The following LHFPL6 variants were observed in gnomAD, a reference collection of about 807,000 sequenced individuals.
The protein encoded by LHFPL6 is LHFPL tetraspan subfamily member 6 protein.
A neutral mutation model predicts 20.6 loss-of-function variants in LHFPL6; 9 were observed. The observed-to-expected ratio is 0.44, with a 90% CI of 0.26 to 0.76. The LOEUF is 0.76. Among genes scored for constraint, LHFPL6 ranks in the 30% least tolerant of loss-of-function variants. The probability of loss-of-function intolerance (pLI) is 0.20; values close to 1 mark genes in which losing one functional copy is unlikely to be tolerated. For synonymous variants in LHFPL6, 105 were observed against 98.7 expected, an observed-to-expected ratio of 1.06 and a Z score of -0.38; for missense variants, 218 against 253.5, an observed-to-expected ratio of 0.86 and a Z score of 0.95.
intron 2 of LHFPL6, among the ~76,000 whole-genome samples, chr13:39,464,796 G>A (rs1872764006): frequency 6.6e-6 from 1 of 150,810 alleles, no homozygotes; most frequent in Non-Finnish European, 1.5e-5. Flanking sequence ...CCAGAGAACT[G>A]GGAATTGTGT....
chr13:39,488,879 A>AG lies in LHFPL6; in HGVS notation c.386-110354_386-110353insC, dbSNP rs1868815413. On this transcript the variant is annotated intron_variant, in intron 2 of 3. Coordinates refer to ENST00000379589, the MANE Select transcript of LHFPL6 (RefSeq NM_005780.3). ...CATCAATAACCACCTCTTGGATTCA[A>AG]CCATGGGACTTTGCAGATACAGCTT... Among the ~76,000 whole-genome samples the AG allele has an allele frequency of 2.1e-5, 3 of 139,586 alleles. No homozygotes were observed. The East Asian group carries it at 1.3e-3, about 59-fold the overall frequency. 91.6% of individuals were successfully genotyped at this position (139,586 alleles called of 152,430 possible).
At chr13:39,359,651 G>A (rs555904911) in intron 3 of LHFPL6, among the ~76,000 whole-genome samples, 1 of 152,198 alleles carries the variant, frequency 6.6e-6, no homozygotes, top group Admixed American at 6.5e-5. Flanking sequence ...TAGGACAAAG[G>A]TTGAAAATCT....
At chr13:39,366,475 C>T (rs74890777) in intron 3 of LHFPL6, among the ~76,000 whole-genome samples, 2,053 of 152,254 alleles carry the variant, frequency 0.013, 39 homozygotes, top group East Asian at 0.081. Flanking sequence ...AATATGCACT[C>T]GAGTTGTGGT....
At chr13:39,587,761 G>T (rs986532473) in intron 2 of LHFPL6, among the ~76,000 whole-genome samples, 3 of 151,954 alleles carry the variant, frequency 2.0e-5, no homozygotes, top group African/African-American at 7.3e-5. Flanking sequence ...GAAAACTATT[G>T]CTGTCCATTA....
At chr13:39,536,858 T>C (rs538789109) in intron 2 of LHFPL6, among the ~76,000 whole-genome samples, 14 of 152,356 alleles carry the variant, frequency 9.2e-5, no homozygotes, top group African/African-American at 3.4e-4. Flanking sequence ...TAGTTTCCTT[T>C]TAAGCAGTCA....
chr13:39,445,565 G>A (rs542394275), intron 2 of LHFPL6, among the ~76,000 whole-genome samples: 1 of 152,252 alleles, frequency 6.6e-6, no homozygotes, highest in East Asian at 1.9e-4. Context: ...CCCAGGAAGG[G>A]TATTAAAAGA....
intron 2 of LHFPL6, among the ~76,000 whole-genome samples, chr13:39,479,343 T>C (rs761979419): frequency 3.2e-4 from 48 of 152,018 alleles, no homozygotes; most frequent in Non-Finnish European, 5.4e-4. Flanking sequence ...TAGGCAGAAG[T>C]TGGCTGAGAA....
chr13:39,496,518 C>G (rs1370639983), intron 2 of LHFPL6, among the ~76,000 whole-genome samples: 3 of 152,108 alleles, frequency 2.0e-5, no homozygotes, highest in African/African-American at 7.2e-5. Context: ...TCTTTCAAAA[C>G]CCAGCACTTA....
chr13:39,352,990 A>ATATATATAATT (rs1263177836), intron 3 of LHFPL6, among the ~76,000 whole-genome samples: 23 of 84,264 alleles, frequency 2.7e-4, no homozygotes, highest in Non-Finnish European at 5.1e-4. Context: ...TATATATATA[A>ATATATATAATT]TTTTTTTTTT....
intron 2 of LHFPL6, among the ~76,000 whole-genome samples, chr13:39,439,939 T>C (rs1207285421): frequency 1.3e-5 from 2 of 152,220 alleles, no homozygotes; most frequent in Non-Finnish European, 2.9e-5. Context: ...CTTAGGTGTT[T>C]CTTTATAGCA....
chr13:39,596,794 T>C (rs1408548305), intron 2 of LHFPL6, among the ~76,000 whole-genome samples: 7 of 152,184 alleles, frequency 4.6e-5, no homozygotes. Flanking sequence ...CCAACACTCA[T>C]TATTTAGCTT....
intron 2 of LHFPL6, among the ~76,000 whole-genome samples, chr13:39,534,023 A>G (rs1211694510): frequency 2.6e-5 from 4 of 152,186 alleles, no homozygotes; most frequent in African/African-American, 9.6e-5. Context: ...TATCAAAAAC[A>G]GACTGCTTTC....
At chr13:39,544,992 C>T (rs1870933268) in intron 2 of LHFPL6, among the ~76,000 whole-genome samples, 1 of 151,496 alleles carries the variant, frequency 6.6e-6, no homozygotes, top group Non-Finnish European at 1.5e-5. Flanking sequence ...CCTGTAATCC[C>T]AGCACTTTGG....
intron 2 of LHFPL6, among the ~76,000 whole-genome samples, chr13:39,442,203 A>C (rs1188514410): frequency 6.6e-6 from 1 of 152,204 alleles, no homozygotes; most frequent in East Asian, 1.9e-4. Context: ...AGTTTAAAAA[A>C]AAAATTAGGT....
At chr13:39,462,711 C>T (rs1872714794) in intron 2 of LHFPL6, among the ~76,000 whole-genome samples, 1 of 152,156 alleles carries the variant, frequency 6.6e-6, no homozygotes, top group South Asian at 2.1e-4. Flanking sequence ...AAGTCCAAAG[C>T]AGTAGATGGC....
chr13:39,399,732 G>C (rs533295906), intron 2 of LHFPL6, among the ~76,000 whole-genome samples: 1 of 152,092 alleles, frequency 6.6e-6, no homozygotes, highest in Non-Finnish European at 1.5e-5. Context: ...TGGCATCATC[G>C]GCACCTGAAA....
At position 39,367,327 on chromosome 13, in the gene LHFPL6, T is replaced by G. The variant is rs183174205; in HGVS notation, c.484+11101A>C. ...ACCCCAGTGTTACACAATATATCCATGTAACAATCCTGAACATGTATCCCC... is the reference window on the plus strand; with the variant it reads ...ACCCCAGTGTTACACAATATATCCAGGTAACAATCCTGAACATGTATCCCC... On this transcript the variant is annotated intron_variant, in intron 3 of 3. Transcript: ENST00000379589. 2.2e-3 allele frequency among the ~76,000 whole-genome samples: 338 copies of G among 152,264 alleles called. 1 individual carries two copies. The highest frequency in any genetic ancestry group is 3.5e-3 in the Admixed American group (53 of 15,286).
chr13:39,465,272 C>G (rs1208359924), intron 2 of LHFPL6, among the ~76,000 whole-genome samples: 1 of 152,046 alleles, frequency 6.6e-6, no homozygotes, highest in East Asian at 1.9e-4. Context: ...TGTACCAATA[C>G]TAATTTCTAG....
intron 2 of LHFPL6, among the ~76,000 whole-genome samples, chr13:39,500,174 T>A (rs1298017293): frequency 6.6e-6 from 1 of 152,058 alleles, no homozygotes; most frequent in Non-Finnish European, 1.5e-5. Flanking sequence ...TTGCTTTTTT[T>A]ATTTTATTGG....
Sources: allele counts gnomAD v4.1 joint callset (sites outside exome capture counted in the v4.1 genomes callset), GRCh38; gene constraint gnomAD v4.1.1; transcripts MANE v1.5; gene names NCBI Gene and HGNC (gene_info 2026-07-23, HGNC 2026-07-21).